HDAC9: variants seen among roughly 807,000 people sequenced by gnomAD.
HDAC9 encodes the protein histone deacetylase 9.
HDAC9 carries 41 observed loss-of-function variants against 139.4 expected under a neutral mutation model. The ratio of observed to expected loss-of-function variants is 0.29; its 90% CI spans 0.23 to 0.38. The LOEUF (loss-of-function observed/expected upper bound fraction) is 0.38. Ranked by LOEUF, HDAC9 falls within the 10% of genes least tolerant of loss-of-function variation. The pLI is 1.00. For synonymous variants in HDAC9, 517 were observed against 476.2 expected (o/e 1.09, Z -1.12); for missense variants, 1,147 against 1,297.0 (o/e 0.88, Z 1.78).
intron 12 of HDAC9, among the ~76,000 whole-genome samples, chr7:18,683,075 T>C (rs1308624553): frequency 6.6e-6 from 1 of 152,030 alleles, no homozygotes; most frequent in Admixed American, 6.6e-5. Context: ...TTGTTTCTGC[T>C]AGAAAATGTA....
chr7:18,540,298 G>T (rs563342205), intron 2 of HDAC9, among the ~76,000 whole-genome samples: 1 of 150,048 alleles, frequency 6.7e-6, no homozygotes, highest in Admixed American at 6.6e-5. Flanking sequence ...AAAAAAGGTT[G>T]GGTGGGAAAG....
chr7:18,372,623 T>G (rs975653372), intron 1 of HDAC9, among the ~76,000 whole-genome samples: 6 of 152,340 alleles, frequency 3.9e-5, no homozygotes, highest in African/African-American at 1.4e-4. Context: ...TGTTATTATT[T>G]TCTGCAAATT....
intron 6 of HDAC9, among the ~76,000 whole-genome samples, chr7:18,616,655 A>G (rs897914971): frequency 2.0e-5 from 3 of 152,250 alleles, no homozygotes; most frequent in Non-Finnish European, 4.4e-5. Flanking sequence ...TCTAAAGGTT[A>G]TAAAATCAAA....
At chr7:18,927,910 A>G (rs1247801436) in intron 22 of HDAC9, among the ~76,000 whole-genome samples, 5 of 152,200 alleles carry the variant, frequency 3.3e-5, no homozygotes, top group Non-Finnish European at 7.3e-5. Context: ...GCTTTCCTCA[A>G]TAGAAAGAAA....
At chr7:18,522,653 C>T (rs1436494725) in intron 2 of HDAC9, among the ~76,000 whole-genome samples, 1 of 149,500 alleles carries the variant, frequency 6.7e-6, no homozygotes, top group African/African-American at 2.5e-5. Flanking sequence ...ACAAACCAAA[C>T]ATGCCTCTCT....
intron 1 of HDAC9, among the ~76,000 whole-genome samples, chr7:18,140,583 G>C (rs1318026083): frequency 6.6e-6 from 1 of 152,048 alleles, no homozygotes; most frequent in Non-Finnish European, 1.5e-5. Flanking sequence ...ATTGATTAGT[G>C]AATATTTTCT....
At chr7:18,789,112 A>G (rs959884454) in intron 16 of HDAC9, among the ~76,000 whole-genome samples, 6 of 152,174 alleles carry the variant, frequency 3.9e-5, no homozygotes, top group African/African-American at 1.2e-4. Context: ...AGTTCTTGAT[A>G]TGTAAAGGAA....
rs991969274 is a variant in HDAC9 at position 18,999,121 on chromosome 7, A to G, written c.*3059A>G. ...GACAGAAGTCAGCTTTGGAGAAAAT[A>G]GAGATATTTATGAAAAAACTACTAC... On this transcript the variant is annotated 3_prime_UTR_variant, in exon 26 of 26. Coordinates refer to ENST00000686413, the MANE Select transcript of HDAC9 (RefSeq NM_178425.4). 1 of 152,206 alleles carries G rather than the reference A, an allele frequency of 6.6e-6. No homozygotes were observed. The highest frequency in any genetic ancestry group is 6.5e-5 in the Admixed American group (1 of 15,286). 9.4% of individuals were successfully genotyped at this position (152,206 alleles called of 1,614,324 possible).
At chr7:18,815,006 A>G (rs1794458063) in intron 17 of HDAC9, among the ~76,000 whole-genome samples, 1 of 152,150 alleles carries the variant, frequency 6.6e-6, no homozygotes, top group Non-Finnish European at 1.5e-5. Flanking sequence ...AGGCACATCT[A>G]TTGTAGTAAA....
chr7:18,829,083 G>T, intron 17 of HDAC9, 78 bp from the exon 18 acceptor site: 1 of 981,824 alleles, frequency 1.0e-6, no homozygotes, highest in Non-Finnish European at 1.7e-6. Flanking sequence ...AGGCACTGTT[G>T]TGCCTGGAGA....
intron 9 of HDAC9, among the ~76,000 whole-genome samples, chr7:18,645,185 G>T (rs1244584396): frequency 6.6e-6 from 1 of 152,138 alleles, no homozygotes; most frequent in East Asian, 1.9e-4. Context: ...GTAAGTGGCA[G>T]ACCTGGAACA....
chr7:18,329,237 C>A (rs1208310003), intron 1 of HDAC9, among the ~76,000 whole-genome samples: 7 of 151,280 alleles, frequency 4.6e-5, no homozygotes, highest in Non-Finnish European at 8.9e-5. Context: ...TCAAAGGGTA[C>A]AAAATTTTAG....
At chr7:18,915,060 CA>C (rs2129291611) in intron 22 of HDAC9, among the ~76,000 whole-genome samples, 1 of 152,094 alleles carries the variant, frequency 6.6e-6, no homozygotes, top group Non-Finnish European at 1.5e-5. Flanking sequence ...GATATATGAC[CA>C]CTGACTGACA....
intron 1 of HDAC9, 26 bp downstream of exon 1, chr7:18,496,049 G>A: frequency 3.5e-6 from 5 of 1,439,778 alleles, no homozygotes; most frequent in Non-Finnish European, 4.5e-6. Context: ...AAAGTGTCCA[G>A]GTCTTTTTAA....
chr7:18,097,600 C>G (rs987878512), intron 1 of HDAC9, among the ~76,000 whole-genome samples: 1 of 151,864 alleles, frequency 6.6e-6, no homozygotes, highest in Non-Finnish European at 1.5e-5. Flanking sequence ...CAAGGTCTTG[C>G]TCTGTCACAC....
At chr7:18,952,047 A>G (rs1782835243) in intron 23 of HDAC9, among the ~76,000 whole-genome samples, 1 of 152,010 alleles carries the variant, frequency 6.6e-6, no homozygotes, top group African/African-American at 2.4e-5. Context: ...CTCTGTCTGT[A>G]TGTATACACT....
At chr7:18,160,573 C>A (rs1415176535) in intron 1 of HDAC9, among the ~76,000 whole-genome samples, 3 of 152,032 alleles carry the variant, frequency 2.0e-5, no homozygotes, top group Non-Finnish European at 4.4e-5. Context: ...TGTCTAAAAG[C>A]ACTTTGTAAC....
intron 2 of HDAC9, among the ~76,000 whole-genome samples, chr7:18,213,827 A>G (rs1792112942): frequency 6.6e-6 from 1 of 152,094 alleles, no homozygotes; most frequent in African/African-American, 2.4e-5. Flanking sequence ...TTCTTGAGAC[A>G]TGTCTACCAG....
chr7:18,182,754 G>A (rs1789549707), intron 2 of HDAC9, among the ~76,000 whole-genome samples: 1 of 152,124 alleles, frequency 6.6e-6, no homozygotes, highest in African/African-American at 2.4e-5. Flanking sequence ...AGTTTGTATT[G>A]TTAACCACAG....
Sources: gnomAD v4.1 joint callset for allele counts (sites outside exome capture counted in the v4.1 genomes callset) on GRCh38, gnomAD v4.1.1 for gene constraint, MANE v1.5 for transcripts, NCBI Gene and HGNC (gene_info 2026-07-23, HGNC 2026-07-21) for gene names.